Variants in ADAM10 observed in about 807,000 individuals in gnomAD.
The protein encoded by ADAM10 is ADAM metallopeptidase domain 10.
A neutral mutation model predicts 90.1 loss-of-function variants in ADAM10; 17 were observed. The observed-to-expected ratio is 0.19, with a 90% CI of 0.13 to 0.28. The LOEUF is 0.28. Ranked by LOEUF, ADAM10 falls within the 10% of genes least tolerant of loss-of-function variation. The pLI is 1.00. For synonymous variants in ADAM10, 310 were observed against 298.6 expected (o/e 1.04, Z -0.40); for missense variants, 610 against 914.3 (o/e 0.67, Z 4.29).
chr15:58,725,278 C>T (rs1202983615), intron 1 of ADAM10, among the ~76,000 whole-genome samples: 1 of 151,474 alleles, frequency 6.6e-6, no homozygotes, highest in Non-Finnish European at 1.5e-5. Context: ...TGCCTGCAGT[C>T]CCAGCACTTT....
At chr15:58,659,854 C>A (rs558913361) in intron 5 of ADAM10, among the ~76,000 whole-genome samples, 41 of 152,244 alleles carry the variant, frequency 2.7e-4, no homozygotes, top group African/African-American at 8.9e-4. Context: ...TCAGCCTCCC[C>A]AGTAGCTGGG....
rs1468145266 is a variant in ADAM10, at chr15:58,590,175, T to C, written c.*7372A>G. ...GACCTTCCTGATGTCCCACCCTCCT[T>C]TCTCAGTCCTATCTCTGCATTATCA... On this transcript the variant is annotated 3_prime_UTR_variant, in exon 16 of 16. Coordinates refer to ENST00000260408, the MANE Select transcript of ADAM10 (RefSeq NM_001110.4). The C allele has an allele frequency of 1.3e-5, 2 of 152,172 alleles. No individual in the cohort carries two copies. The highest frequency in any genetic ancestry group is 6.6e-5 in the Admixed American group (1 of 15,264). The allele number at this position is 152,172 out of a possible 1,614,324, so 9.4% of individuals were successfully genotyped here.
At chr15:58,719,211 C>G (rs1227051425) in intron 1 of ADAM10, among the ~76,000 whole-genome samples, 1 of 152,050 alleles carries the variant, frequency 6.6e-6, no homozygotes, top group African/African-American at 2.4e-5. Flanking sequence ...ATAAACCTAG[C>G]TACTCAGGAG....
rs138309222 is a variant in ADAM10 at position 58,636,828 on chromosome 15, G to T, written c.1013-3469C>A. Among the ~76,000 whole-genome samples, 6 of 152,158 alleles carry T rather than the reference G, an allele frequency of 3.9e-5. No homozygotes were observed. In the East Asian group the frequency reaches 9.6e-4, roughly 24 times the overall value. ...GTGAGGAGGCCAAAAATTAATAGTAGCATGCTGATCATACAATATTAATGT... is the reference window on the plus strand; with the variant it reads ...GTGAGGAGGCCAAAAATTAATAGTATCATGCTGATCATACAATATTAATGT... On this transcript the variant is annotated intron_variant, in intron 8 of 15. Coordinates refer to ENST00000260408, the MANE Select transcript of ADAM10 (RefSeq NM_001110.4).
intron 2 of ADAM10, among the ~76,000 whole-genome samples, chr15:58,686,860 T>C (rs1234581621): frequency 2.0e-5 from 3 of 152,168 alleles, no homozygotes; most frequent in African/African-American, 7.2e-5. Flanking sequence ...CTTTTATACA[T>C]AAGATAAACA....
chr15:58,675,792 C>T (rs1211957404), intron 4 of ADAM10, among the ~76,000 whole-genome samples: 1 of 152,160 alleles, frequency 6.6e-6, no homozygotes, highest in Admixed American at 6.5e-5. Context: ...TGGTTCTATA[C>T]ATTTATGCCT....
intron 1 of ADAM10, among the ~76,000 whole-genome samples, chr15:58,745,530 AC>A (rs1274114672): frequency 6.6e-6 from 1 of 152,172 alleles, no homozygotes; most frequent in Non-Finnish European, 1.5e-5. Flanking sequence ...TTTTTAAAAA[AC>A]ATCTAATAAC....
chr15:58,708,497 AC>A (rs1210956925), intron 2 of ADAM10, among the ~76,000 whole-genome samples: 1 of 152,088 alleles, frequency 6.6e-6, no homozygotes, highest in Non-Finnish European at 1.5e-5. Flanking sequence ...AGCCCTATCT[AC>A]AAAAAAAATT....
chr15:58,728,182 T>C (rs1442760363), intron 1 of ADAM10, among the ~76,000 whole-genome samples: 3 of 152,156 alleles, frequency 2.0e-5, no homozygotes, highest in South Asian at 2.1e-4. Flanking sequence ...ATAACAGATA[T>C]GCAGAAAATC....
intron 2 of ADAM10, among the ~76,000 whole-genome samples, chr15:58,699,424 C>T (rs1384883762): frequency 6.6e-6 from 1 of 152,064 alleles, no homozygotes; most frequent in African/African-American, 2.4e-5. Flanking sequence ...AAGAAAACCA[C>T]CAAACCACAA....
Position 58,717,644 on chromosome 15 carries a change from G to C in ADAM10, c.139C>G (p.Gln47Glu), listed in dbSNP as rs765222802. ...TGTGAGACTGCTCTTTTGGCACGCT[G>C]GTGTTTTTGGTGTAATGAATCCACA... ...YNVDSLHQKH[Q>E]RAKRAVSHED... Residue 47 changes from glutamine to glutamate, a missense_variant, in exon 2 of 16, where the codon CAG becomes GAG. Physicochemically the swap from Gln to Glu is conservative, Grantham distance 29. Transcript: ENST00000260408. 6.2e-7 allele frequency: 1 copy of C among 1,613,748 alleles called. No individual in the cohort carries two copies. Among genetic ancestry groups the C allele is most frequent in the South Asian group, 1.1e-5 (1 of 91,068 alleles).
At chr15:58,610,931 A>C in intron 13 of ADAM10, 68 bp downstream of exon 13, 1 of 1,220,280 alleles carries the variant, frequency 8.2e-7, no homozygotes, top group South Asian at 1.2e-5. Flanking sequence ...AAAGTTTTAC[A>C]CTTAAAATTT....
intron 5 of ADAM10, among the ~76,000 whole-genome samples, chr15:58,664,843 C>G (rs1415109616): frequency 6.6e-6 from 1 of 151,974 alleles, no homozygotes; most frequent in Non-Finnish European, 1.5e-5. Context: ...CATTTGTTTT[C>G]TTTTATAACA....
In ADAM10 at chr15:58,647,246, G is replaced by GTCT. The variant is rs1323960397; in HGVS notation, c.586-1043_586-1042insAGA. ...CTTGGCAGCAAAGAGTAGACACTAA[G>GTCT]TATTTTTTTTTTTTTTTTTTTTTTT... On this transcript the variant is annotated intron_variant, in intron 5 of 15. Coordinates refer to ENST00000260408, the MANE Select transcript of ADAM10 (RefSeq NM_001110.4). 1.8e-3 allele frequency among the ~76,000 whole-genome samples: 65 copies of GTCT among 36,842 alleles called. 3 individuals carry two copies. The highest frequency in any genetic ancestry group is 4.6e-3 in the African/African-American group (63 of 13,592). 24.2% of individuals were successfully genotyped at this position (36,842 alleles called of 152,430 possible).
At chr15:58,610,786 G>A in intron 13 of ADAM10, 1 of 633,436 alleles carries the variant, frequency 1.6e-6, no homozygotes, top group South Asian at 1.9e-5. Context: ...CTGTAAAGCT[G>A]GCAACGTTTT....
chr15:58,692,136 C>A (rs775918658), intron 2 of ADAM10: 1 of 513,862 alleles, frequency 1.9e-6, no homozygotes, highest in East Asian at 5.4e-5. Flanking sequence ...ATGATCCACA[C>A]ATGATGGACA....
chr15:58,610,510 TG>T lies in ADAM10; in HGVS notation c.1811del (p.Pro604HisfsTer44). 1 of 1,614,060 alleles carries T rather than the reference TG, an allele frequency of 6.2e-7. No individual in the cohort carries two copies. The highest frequency in any genetic ancestry group is 8.5e-7 in the Non-Finnish European group (1 of 1,179,960). Reference protein sequence around the residue: ...CHVCCMKKMDPSTCASTGSVQ... With the variant: ...CHVCCMKKMDXSTCASTGSVQ... ...CAGACCCTGTACTGGCACAAGTTGA[TG>T]GGTCCACTGGAAAAGAAATGCCAAA... is the stretch of plus-strand genomic sequence containing the variant. On this transcript the variant is annotated frameshift_variant, in exon 14 of 16. Transcript: ENST00000260408. LOFTEE classifies it high-confidence loss of function.
At chr15:58,602,664 T>C (rs572217697) in intron 14 of ADAM10, among the ~76,000 whole-genome samples, 27 of 152,312 alleles carry the variant, frequency 1.8e-4, no homozygotes, top group African/African-American at 5.5e-4. Context: ...AATTTTAAAA[T>C]CAAACTTAGA....
At chr15:58,669,408 C>T (rs1897146002) in intron 4 of ADAM10, among the ~76,000 whole-genome samples, 1 of 152,078 alleles carries the variant, frequency 6.6e-6, no homozygotes, top group African/African-American at 2.4e-5. Flanking sequence ...ACATAAACAG[C>T]AGTAAAGAGA....
Sources: allele counts gnomAD v4.1 joint callset (sites outside exome capture counted in the v4.1 genomes callset), GRCh38; gene constraint gnomAD v4.1.1; transcripts MANE v1.5; gene names NCBI Gene and HGNC (gene_info 2026-07-23, HGNC 2026-07-21).